Variants in ZNF83 observed in about 807,000 individuals in gnomAD.
The protein encoded by ZNF83 is zinc finger protein 816B.
For synonymous variants in ZNF83, 209 were observed against 213.0 expected, an observed-to-expected ratio of 0.98 and a Z score of 0.17; for missense variants, 552 against 629.9, an observed-to-expected ratio of 0.88 and a Z score of 1.32.
chr19:52,650,261 CTTT>C (rs1015695493), intron 3 of ZNF83, among the ~76,000 whole-genome samples: 10 of 39,608 alleles, frequency 2.5e-4, no homozygotes, highest in Middle Eastern at 0.01. Context: ...ACTTTTCTTT[CTTT>C]TTTTTTTTTG....
intron 1 of ZNF83, among the ~76,000 whole-genome samples, chr19:52,661,129 C>T (rs2061574446): frequency 6.6e-6 from 1 of 152,008 alleles, no homozygotes; most frequent in African/African-American, 2.4e-5. Flanking sequence ...TCCCAAAGAG[C>T]TATGATTACA....
chr19:52,634,417 C>G (rs1447141455), intron 2 of ZNF83, among the ~76,000 whole-genome samples: 1 of 152,128 alleles, frequency 6.6e-6, no homozygotes, highest in East Asian at 1.9e-4. Context: ...CCTCTTAACA[C>G]CACAATCTCC....
intron 1 of ZNF83, among the ~76,000 whole-genome samples, chr19:52,669,778 G>T (rs2061699011): frequency 6.6e-6 from 1 of 152,134 alleles, no homozygotes; most frequent in Non-Finnish European, 1.5e-5. Flanking sequence ...CTTGTCAGGT[G>T]CTCTGTCACA....
At position 52,672,535 on chromosome 19, in the gene ZNF83, C is replaced by T. The variant is rs143546662; in HGVS notation, c.-282-11692G>A. ...GGCTGAGGCAGGAGGATGGCTAGTG[C>T]CCAACAGTTGGAGTCCAGCCTAGGC... is the stretch of plus-strand genomic sequence containing the variant. On this transcript the variant is annotated intron_variant, in intron 1 of 5. Coordinates refer to the ZNF83 transcript ENST00000594682. Among the ~76,000 whole-genome samples the T allele has an allele frequency of 5.7e-3, 869 of 152,284 alleles. 3 individuals are homozygous for T. Among genetic ancestry groups the T allele is most frequent in the African/African-American group, 0.02 (820 of 41,548 alleles).
chr19:52,687,647 ATATATATATAATG>A (rs2062067996), intron 1 of ZNF83, among the ~76,000 whole-genome samples: 1 of 17,318 alleles, frequency 5.8e-5, no homozygotes, highest in Admixed American at 4.5e-4. Flanking sequence ...ATATATATAT[ATATATATATAATG>A]TATATATATA....
intron 2 of ZNF83, among the ~76,000 whole-genome samples, chr19:52,627,193 C>CA (rs2060773974): frequency 7.1e-6 from 1 of 141,160 alleles, no homozygotes; most frequent in Non-Finnish European, 1.5e-5. Context: ...AAAACTGCCC[C>CA]ACCCCATCTC....
intron 2 of ZNF83, among the ~76,000 whole-genome samples, chr19:52,631,990 G>A (rs4085674): frequency 6.6e-6 from 1 of 151,722 alleles, no homozygotes; most frequent in Non-Finnish European, 1.5e-5. Context: ...CCCAGGACTG[G>A]CAAATTAGCT....
chr19:52,624,540 C>T (rs562812055), intron 2 of ZNF83, among the ~76,000 whole-genome samples: 6 of 152,324 alleles, frequency 3.9e-5, no homozygotes, highest in African/African-American at 1.4e-4. Context: ...ATCCTAAATC[C>T]TTTCCCCACT....
intron 1 of ZNF83, among the ~76,000 whole-genome samples, chr19:52,689,801 A>C (rs557128822): frequency 8.2e-4 from 125 of 152,078 alleles, no homozygotes; most frequent in African/African-American, 2.8e-3. Context: ...GAGGGTTTGG[A>C]GTAAGACGCC....
intron 3 of ZNF83, among the ~76,000 whole-genome samples, chr19:52,650,068 A>G (rs1238396563): frequency 6.6e-6 from 1 of 152,188 alleles, no homozygotes; most frequent in Middle Eastern, 3.4e-3. Flanking sequence ...GACAAGACAA[A>G]TGTTACAAGT....
At chr19:52,614,109 A>G (rs910296810) in exon 3 of ZNF83, 15 of 1,613,930 alleles carry the variant, frequency 9.3e-6, no homozygotes, top group African/African-American at 1.3e-5. Context: ...TGCCACATTC[A>G]TTACATTTAT....
exon 3 of ZNF83, chr19:52,612,984 G>A (rs927531991): frequency 6.6e-7 from 1 of 1,522,258 alleles, no homozygotes; most frequent in Non-Finnish European, 8.9e-7. Flanking sequence ...GTCTTACAAG[G>A]CTTTAATGCT....
At chr19:52,632,218 G>C (rs2060996146) in intron 2 of ZNF83, among the ~76,000 whole-genome samples, 1 of 152,140 alleles carries the variant, frequency 6.6e-6, no homozygotes, top group South Asian at 2.1e-4. Flanking sequence ...CAGTTTTTCA[G>C]GCTTAGTATT....
At chr19:52,649,289 G>T (rs186851869) in intron 3 of ZNF83, among the ~76,000 whole-genome samples, 374 of 152,290 alleles carry the variant, frequency 2.5e-3, no homozygotes, top group Non-Finnish European at 4.1e-3. Flanking sequence ...AAGGGAAGCA[G>T]GCAGGCTGGT....
At chr19:52,682,543 T>C (rs1249342481) in intron 1 of ZNF83, among the ~76,000 whole-genome samples, 1 of 152,014 alleles carries the variant, frequency 6.6e-6, no homozygotes, top group East Asian at 1.9e-4. Context: ...TGGCAGTGCA[T>C]ACCTGTAGTC....
chr19:52,630,953 G>A (rs1379288521), intron 2 of ZNF83, among the ~76,000 whole-genome samples: 2 of 149,394 alleles, frequency 1.3e-5, no homozygotes, highest in African/African-American at 5.0e-5. Flanking sequence ...CCACCCCATG[G>A]TGCCAAACCC....
intron 2 of ZNF83, among the ~76,000 whole-genome samples, chr19:52,632,214 T>C (rs936529607): frequency 1.3e-5 from 2 of 152,204 alleles, no homozygotes; most frequent in Non-Finnish European, 2.9e-5. Flanking sequence ...CAAGCAGTTT[T>C]TCAGGCTTAG....
At chr19:52,639,415 A>AT (rs1160711365), upstream of ZNF83, among the ~76,000 whole-genome samples, 836 of 86,294 alleles carry the variant, frequency 9.7e-3, 21 homozygotes, top group East Asian at 0.054. Flanking sequence ...AGTTTTTTCT[A>AT]TTTTTTTTTT....
rs554983620 is a variant in ZNF83 at position 52,618,717 on chromosome 19, T to C, written c.-233-3920A>G. 11 of 897,728 alleles carry C rather than the reference T, an allele frequency of 1.2e-5. No individual in the cohort carries two copies. In the East Asian group the frequency reaches 3.3e-4, roughly 27 times the overall value. The allele number at this position is 897,728 out of a possible 1,614,324, so 55.6% of individuals were successfully genotyped here. A position where few individuals can be genotyped will look rare whatever the true frequency, so the allele number is the denominator to read the frequency against. On this transcript the variant is annotated intron_variant, in intron 2 of 2. Transcript: ENST00000301096. ...TTGCCAGCCATAAGGTTTTAAGCCTTCTTTACTTCTGGAACCCCCACTGAG... is the reference window on the plus strand; with the variant it reads ...TTGCCAGCCATAAGGTTTTAAGCCTCCTTTACTTCTGGAACCCCCACTGAG...
Sources: allele counts gnomAD v4.1 joint callset (sites outside exome capture counted in the v4.1 genomes callset), GRCh38; gene constraint gnomAD v4.1.1; transcripts MANE v1.5; gene names NCBI Gene and HGNC (gene_info 2026-07-23, HGNC 2026-07-21).